The following ATG7 variants were observed in gnomAD, a reference collection of about 807,000 sequenced individuals.
ATG7 encodes autophagy related 7.
A neutral mutation model predicts 82.4 loss-of-function variants in ATG7; 70 were observed. That is an observed-to-expected ratio of 0.85 (90% CI 0.70 to 1.04). ATG7 has a LOEUF of 1.04. Among genes scored for constraint, ATG7 ranks in the 50% least tolerant of loss-of-function variants. The pLI, the probability that ATG7 is intolerant of heterozygous loss-of-function variation, is 0.00. For synonymous variants in ATG7, 287 were observed against 313.0 expected (o/e 0.92, Z 0.88); for missense variants, 792 against 864.3 (o/e 0.92, Z 1.05).
At chr3:11,533,539 T>TAAAAAA (rs66794993) in intron 20 of ATG7, among the ~76,000 whole-genome samples, 14 of 126,662 alleles carry the variant, frequency 1.1e-4, no homozygotes, top group African/African-American at 3.6e-4. Context: ...CCCCTTCTGT[T>TAAAAAA]AAAAAAAAAA....
intron 20 of ATG7, chr3:11,510,459 C>T (rs2091995607): frequency 2.7e-6 from 1 of 365,510 alleles, no homozygotes; most frequent in Non-Finnish European, 5.4e-6. Context: ...CCCACCCCCT[C>T]CCCCATCCCA....
At chr3:11,285,357 G>C (rs937494433) in intron 3 of ATG7, among the ~76,000 whole-genome samples, 14 of 150,310 alleles carry the variant, frequency 9.3e-5, no homozygotes, top group Admixed American at 6.6e-4. Context: ...TTTATTTTTT[G>C]TAGAGATGGG....
At chr3:11,424,208 G>A (rs576066258) in intron 19 of ATG7, among the ~76,000 whole-genome samples, 88 of 152,140 alleles carry the variant, frequency 5.8e-4, no homozygotes, top group African/African-American at 2.0e-3. Context: ...CTCTTCATCA[G>A]TGCTTTAGAG....
chr3:11,482,695 G>C (rs116383940), intron 20 of ATG7, among the ~76,000 whole-genome samples: 1,714 of 151,916 alleles, frequency 0.011, 29 homozygotes, highest in African/African-American at 0.039. Flanking sequence ...GTGATAGAGA[G>C]CTGACCTCTT....
At chr3:11,493,101 T>G (rs2090524987) in intron 20 of ATG7, among the ~76,000 whole-genome samples, 1 of 152,116 alleles carries the variant, frequency 6.6e-6, no homozygotes, top group South Asian at 2.1e-4. Flanking sequence ...AAGAATGAGG[T>G]CACGTAGACG....
intron 18 of ATG7, among the ~76,000 whole-genome samples, chr3:11,370,010 TCTC>T (rs1236758545): frequency 1.3e-5 from 2 of 151,112 alleles, no homozygotes; most frequent in African/African-American, 4.9e-5. Context: ...TTACGTATCT[TCTC>T]TGAACCTCAT....
intron 9 of ATG7, among the ~76,000 whole-genome samples, chr3:11,317,112 T>C (rs1391233197): frequency 6.6e-6 from 1 of 152,146 alleles, no homozygotes; most frequent in Non-Finnish European, 1.5e-5. Context: ...AGTGCTGAGA[T>C]TACAGGCGTG....
chr3:11,385,335 T>A (rs2078239775), intron 19 of ATG7, among the ~76,000 whole-genome samples: 1 of 152,164 alleles, frequency 6.6e-6, no homozygotes, highest in Non-Finnish European at 1.5e-5. Context: ...GCCAGCTACT[T>A]AAATGTTTAA....
At chr3:11,516,038 A>AC (rs2092269460) in intron 20 of ATG7, among the ~76,000 whole-genome samples, 1 of 151,848 alleles carries the variant, frequency 6.6e-6, no homozygotes, top group Non-Finnish European at 1.5e-5. Context: ...TTTTAAAAAA[A>AC]AAAAAAAACA....
In ATG7 at chr3:11,371,074, G is replaced by T. The variant is rs763973443; in HGVS notation, c.1875+6340G>T. On this transcript the variant is annotated intron_variant, in intron 18 of 20. Coordinates refer to ENST00000693202, the MANE Select transcript of ATG7 (RefSeq NM_001349232.2). ...GATGGTAGTGAGGCCAAAATGAGAT[G>T]CAATGTATGAAAACACCCAGGAGCC... Among the ~76,000 whole-genome samples, 25 of 151,082 alleles carry T rather than the reference G, an allele frequency of 1.7e-4. 2 individuals are homozygous for T. The highest frequency in any genetic ancestry group is 3.5e-4 in the Non-Finnish European group (24 of 67,840).
chr3:11,464,480 G>A (rs1029697575), intron 20 of ATG7, among the ~76,000 whole-genome samples: 1 of 152,214 alleles, frequency 6.6e-6, no homozygotes, highest in Non-Finnish European at 1.5e-5. Context: ...TAAAGTACGG[G>A]GGGAGGCTGA....
At chr3:11,518,603 T>G (rs937014308) in intron 20 of ATG7, among the ~76,000 whole-genome samples, 1 of 152,032 alleles carries the variant, frequency 6.6e-6, no homozygotes, top group East Asian at 1.9e-4. Context: ...AGATCACTCT[T>G]TGTTACTCTG....
chr3:11,386,582 C>CA (rs1301163893), intron 19 of ATG7, among the ~76,000 whole-genome samples: 1 of 152,164 alleles, frequency 6.6e-6, no homozygotes, highest in African/African-American at 2.4e-5. Flanking sequence ...TCTTTGCATA[C>CA]AGCTTCTCAG....
At chr3:11,283,144 C>G (rs571349839) in intron 3 of ATG7, among the ~76,000 whole-genome samples, 1 of 152,334 alleles carries the variant, frequency 6.6e-6, no homozygotes, top group Admixed American at 6.5e-5. Context: ...AGAACTTGTT[C>G]TTTTGGACTT....
chr3:11,406,987 TCCCAACAGTCC>T (rs2080405431), intron 19 of ATG7, among the ~76,000 whole-genome samples: 1 of 152,130 alleles, frequency 6.6e-6, no homozygotes, highest in African/African-American at 2.4e-5. Flanking sequence ...AATCATGTCT[TCCCAACAGTCC>T]CCCAAAGTCT....
At chr3:11,511,407 A>G (rs2092047064) in intron 20 of ATG7, among the ~76,000 whole-genome samples, 1 of 152,178 alleles carries the variant, frequency 6.6e-6, no homozygotes, top group Non-Finnish European at 1.5e-5. Context: ...CTAGATACAG[A>G]GTGTCGACTG....
intron 20 of ATG7, among the ~76,000 whole-genome samples, chr3:11,446,268 C>T (rs1488728666): frequency 1.3e-5 from 2 of 151,764 alleles, no homozygotes; most frequent in South Asian, 2.1e-4. Flanking sequence ...TTAAAGGTTA[C>T]TATATCCATT....
chr3:11,436,201 A>T (rs1168882514), intron 20 of ATG7, among the ~76,000 whole-genome samples: 1 of 152,274 alleles, frequency 6.6e-6, no homozygotes, highest in East Asian at 1.9e-4. Context: ...AGATAATCAC[A>T]TGATAGCATA....
chr3:11,458,807 C>G (rs1385994149), intron 20 of ATG7, among the ~76,000 whole-genome samples: 1 of 152,184 alleles, frequency 6.6e-6, no homozygotes, highest in African/African-American at 2.4e-5. Flanking sequence ...AGTACTGGTC[C>G]GAGGCCTGTT....
Sources: allele counts gnomAD v4.1 joint callset (sites outside exome capture counted in the v4.1 genomes callset), GRCh38; gene constraint gnomAD v4.1.1; transcripts MANE v1.5; gene names NCBI Gene and HGNC (gene_info 2026-07-23, HGNC 2026-07-21).